ADRA2A: variants seen among roughly 807,000 people sequenced by gnomAD.
ADRA2A encodes alpha-2A adrenergic receptor.
In ADRA2A, 6 loss-of-function variants were observed where a neutral mutation model predicts 5.9. The observed-to-expected ratio is 1.01, with a 90% CI of 0.55 to 2.00. The LOEUF is 2.00. Ranked by LOEUF, ADRA2A falls within the 30% of genes most tolerant of loss-of-function variation. The pLI is 0.00. For missense variants in ADRA2A, 647 were observed against 690.0 expected (o/e 0.94, Z 0.70); for synonymous variants, 345 against 325.9 (o/e 1.06, Z -0.63).
At position 111,078,074 on chromosome 10, in the gene ADRA2A, G is replaced by A; in HGVS notation, c.78G>A (p.Ala26=). 6.5e-7 allele frequency: 1 copy of A among 1,548,798 alleles called. No homozygotes were observed. The highest frequency in any genetic ancestry group is 8.7e-7 in the Non-Finnish European group (1 of 1,154,190). ...CCCTGCAGCCGGACGCGGGCAACGC[G>A]AGCTGGAACGGGACCGAGGCGCCGG... ...MGSLQPDAGN[A]SWNGTEAPGG... The change falls in exon 1 of 1, where the codon GCG becomes GCA. Residue 26 remains alanine, a synonymous_variant. Coordinates refer to ENST00000280155, the MANE Select transcript of ADRA2A (RefSeq NM_000681.4).
chr10:111,078,171 A>C lies in ADRA2A; in HGVS notation c.175A>C (p.Met59Leu). ...GCTGGTGTGCCTGGCCGGCCTGCTC[A>C]TGCTGCTCACCGTGTTCGGCAACGT... ...LTLVCLAGLL[M>L]LLTVFGNVLV... The change falls in exon 1 of 1, where the codon ATG becomes CTG. Residue 59 changes from methionine to leucine, a missense_variant. By Grantham distance (15) the Met-to-Leu change is conservative. Transcript: ENST00000280155. The C allele has an allele frequency of 1.2e-6, 2 of 1,611,480 alleles. No individual in the cohort carries two copies. Among genetic ancestry groups the C allele is most frequent in the East Asian group, 4.5e-5 (2 of 44,822 alleles).
In ADRA2A at chr10:111,080,558, G is replaced by A. The variant is rs373716005; in HGVS notation, c.*1164G>A. On this transcript the variant is annotated 3_prime_UTR_variant, in exon 1 of 1. Coordinates refer to ENST00000280155, the MANE Select transcript of ADRA2A (RefSeq NM_000681.4). ...CCCAAGAGCTGTTAGGTATCAAAAT[G>A]TTGTCCTTTCCCCCCTCCGTGCTTT... 9.6e-5 allele frequency: 16 copies of A among 167,164 alleles called. No homozygotes were observed. In the East Asian group the frequency reaches 1.5e-3, roughly 16 times the overall value. The allele number at this position is 167,164 out of a possible 1,614,324, so 10.4% of individuals were successfully genotyped here.
In ADRA2A at chr10:111,079,052, G is replaced by T. The variant is rs1022355353; in HGVS notation, c.1056G>T (p.Pro352=). Residue 352 remains proline, a synonymous_variant, in exon 1 of 1, where the codon CCG becomes CCT. Coordinates refer to ENST00000280155, the MANE Select transcript of ADRA2A (RefSeq NM_000681.4). ...KPGDSLPRRG[P]GATGIGTPAA... The stretch of plus-strand genomic sequence containing the variant: ...GCGACAGCCTGCCGCGGCGCGGGCC[G>T]GGGGCGACGGGGATCGGGACGCCGG... 1 of 1,305,092 alleles carries T rather than the reference G, an allele frequency of 7.7e-7. No individual in the cohort carries two copies. The highest frequency in any genetic ancestry group is 9.7e-7 in the Non-Finnish European group (1 of 1,032,410). 80.8% of individuals were successfully genotyped at this position (1,305,092 alleles called of 1,614,324 possible).
chr10:111,078,906 G>A lies in ADRA2A; in HGVS notation c.910G>A (p.Asp304Asn), dbSNP rs1410379168. 8.2e-7 allele frequency: 1 copy of A among 1,218,622 alleles called. No homozygotes were observed. The highest frequency in any genetic ancestry group is 1.0e-6 in the Non-Finnish European group (1 of 979,830). 75.5% of individuals were successfully genotyped at this position (1,218,622 alleles called of 1,614,324 possible). A position where few individuals can be genotyped will look rare whatever the true frequency, so the allele number is the denominator to read the frequency against. ...CGCGCCGGCCGGGCCGCGCGACACC[G>A]ACGCGCTGGACCTGGAGGAGAGCTC... ...EPAPAGPRDT[D>N]ALDLEESSSS... Residue 304 changes from aspartate to asparagine, a missense_variant, in exon 1 of 1, where the codon GAC (aspartate) becomes AAC (asparagine). Transcript: ENST00000280155.
In ADRA2A at chr10:111,078,576, G is replaced by C. The variant is rs1843561070; in HGVS notation, c.580G>C (p.Gly194Arg). ...CTCCATCGAGAAGAAGGGCGGCGGCGGCGGCCCGCAGCCGGCCGAGCCGCG... is the reference window on the plus strand; with the variant it reads ...CTCCATCGAGAAGAAGGGCGGCGGCCGCGGCCCGCAGCCGGCCGAGCCGCG... ...LISIEKKGGG[G>R]GPQPAEPRCE... Residue 194 changes from glycine to arginine, a missense_variant, in exon 1 of 1, where the codon GGC (glycine) becomes CGC (arginine). This residue lies in a region of ADRA2A where 577 missense variants were observed against 605.4 expected (regional missense o/e 0.95). Coordinates refer to ENST00000280155, the MANE Select transcript of ADRA2A (RefSeq NM_000681.4). 1.2e-6 allele frequency: 2 copies of C among 1,600,094 alleles called. No homozygotes were observed. Among genetic ancestry groups the C allele is most frequent in the South Asian group, 2.2e-5 (2 of 90,072 alleles).
Position 111,077,084 on chromosome 10 carries a change from C to G in ADRA2A, c.-913C>G, listed in dbSNP as rs535676242. The G allele has an allele frequency of 1.3e-5, 2 of 153,298 alleles. No homozygotes were observed. The highest frequency in any genetic ancestry group is 2.1e-4 in the South Asian group (1 of 4,848). 9.5% of individuals were successfully genotyped at this position (153,298 alleles called of 1,614,324 possible). On this transcript the variant is annotated 5_prime_UTR_variant, in exon 1 of 1. Coordinates refer to ENST00000280155, the MANE Select transcript of ADRA2A (RefSeq NM_000681.4). Reference sequence around the variant, plus strand: ...GCCCAGCAGCCGGCGTGCCGCCGCCCGGCCACTCCAGCGCCTTCTTCCCCG... The same window carrying G: ...GCCCAGCAGCCGGCGTGCCGCCGCCGGGCCACTCCAGCGCCTTCTTCCCCG...
Position 111,079,795 on chromosome 10 carries a change from C to G in ADRA2A, c.*401C>G. On this transcript the variant is annotated 3_prime_UTR_variant, in exon 1 of 1. Transcript: ENST00000280155. The stretch of plus-strand genomic sequence containing the variant: ...TACCTAGCCCTGGCTAATTCCCCTT[C>G]CATTCCCAACTCTCTCTCTCTTTTT... 1 of 210,816 alleles carries G rather than the reference C, an allele frequency of 4.7e-6. No individual in the cohort carries two copies. The highest frequency in any genetic ancestry group is 2.0e-3 in the Middle Eastern group (1 of 492). 13.1% of individuals were successfully genotyped at this position (210,816 alleles called of 1,614,324 possible). A position where few individuals can be genotyped will look rare whatever the true frequency, so the allele number is the denominator to read the frequency against.
In ADRA2A at chr10:111,078,951, C is replaced by A. The variant is rs1458272935; in HGVS notation, c.955C>A (p.Arg319=). The A allele has an allele frequency of 3.2e-6, 4 of 1,237,722 alleles. No homozygotes were observed. Among genetic ancestry groups the A allele is most frequent in the Non-Finnish European group, 3.0e-6 (3 of 991,022 alleles). The allele number at this position is 1,237,722 out of a possible 1,614,324, so 76.7% of individuals were successfully genotyped here. A position where few individuals can be genotyped will look rare whatever the true frequency, so the allele number is the denominator to read the frequency against. ...EESSSSDHAE[R]PPGPRRPERG... is the part of the protein sequence containing the mutation. ...GAGCTCGTCTTCCGACCACGCCGAG[C>A]GGCCTCCAGGGCCCCGCAGACCCGA... Residue 319 remains arginine, a synonymous_variant, in exon 1 of 1, where the codon CGG becomes AGG. Coordinates refer to ENST00000280155, the MANE Select transcript of ADRA2A (RefSeq NM_000681.4).
In ADRA2A at chr10:111,079,148, G is replaced by A; in HGVS notation, c.1152G>A (p.Glu384=). Residue 384 remains glutamate (E), a synonymous_variant, in exon 1 of 1, where the codon GAG becomes GAA. Coordinates refer to ENST00000280155, the MANE Select transcript of ADRA2A (RefSeq NM_000681.4). ...ASRWRGRQNR[E]KRFTFVLAVV... The stretch of plus-strand genomic sequence containing the variant: ...GCTGGCGCGGGCGGCAGAACCGCGA[G>A]AAGCGCTTCACGTTCGTGCTGGCCG... The A allele has an allele frequency of 6.2e-7, 1 of 1,608,930 alleles. No homozygotes were observed. Among genetic ancestry groups the A allele is most frequent in the South Asian group, 1.1e-5 (1 of 90,980 alleles).
rs975384228 is a variant in ADRA2A, at chr10:111,080,646, G to T, written c.*1252G>T. ...CAGGGGAGGAGGGCAGAGACTTTGT[G>T]TTTACATCTGCATTTCTACATGTTT... On this transcript the variant is annotated 3_prime_UTR_variant, in exon 1 of 1. Transcript: ENST00000280155. 1 of 166,982 alleles carries T rather than the reference G, an allele frequency of 6.0e-6. No individual in the cohort carries two copies. Among genetic ancestry groups the T allele is most frequent in the African/African-American group, 2.4e-5 (1 of 41,404 alleles). The allele number at this position is 166,982 out of a possible 1,614,324, so 10.3% of individuals were successfully genotyped here.
chr10:111,077,987 G>T lies in ADRA2A; in HGVS notation c.-10G>T. On this transcript the variant is annotated 5_prime_UTR_variant, in exon 1 of 1. Transcript: ENST00000280155. ...TGGCAGCAGGCCCAGGCCAGCGGGC[G>T]CCCGCGTTCATGTTCCGCCAGGAGC... 7.2e-7 allele frequency: 1 copy of T among 1,387,428 alleles called. No homozygotes were observed. Among genetic ancestry groups the T allele is most frequent in the Non-Finnish European group, 9.3e-7 (1 of 1,078,324 alleles). 85.9% of individuals were successfully genotyped at this position (1,387,428 alleles called of 1,614,324 possible). A position where few individuals can be genotyped will look rare whatever the true frequency, so the allele number is the denominator to read the frequency against.
Position 111,078,272 on chromosome 10 carries a change from G to A in ADRA2A, c.276G>A (p.Ser92=), listed in dbSNP as rs780932512. The A allele has an allele frequency of 1.9e-6, 3 of 1,613,640 alleles. No individual in the cohort carries two copies. The East Asian group carries it at 6.7e-5, about 36-fold the overall frequency. The change falls in exon 1 of 1, where the codon TCG becomes TCA. Residue 92 remains serine, a synonymous_variant. Transcript: ENST00000280155. ...PQNLFLVSLA[S]ADILVATLVI... ...ACCTCTTCCTGGTGTCTCTGGCCTC[G>A]GCCGACATCCTGGTGGCCACGCTCG...
rs1843565016 is a variant in ADRA2A, at chr10:111,078,805, CCGAG to C, written c.812_815del (p.Glu271AlafsTer70). ...GAGCGCAGGCCCAACGGTCTGGGCC[CCGAG>C]CGCAGCGCGGGCCCGGGGGGCGCAG... On this transcript the variant is annotated frameshift_variant, in exon 1 of 1. Transcript: ENST00000280155. LOFTEE classifies it low-confidence loss of function (END_TRUNC). The C allele has an allele frequency of 1.6e-6, 2 of 1,257,702 alleles. No individual in the cohort carries two copies. The highest frequency in any genetic ancestry group is 3.2e-5 in the African/African-American group (2 of 63,324). 77.9% of individuals were successfully genotyped at this position (1,257,702 alleles called of 1,614,324 possible). A position where few individuals can be genotyped will look rare whatever the true frequency, so the allele number is the denominator to read the frequency against.
In ADRA2A at chr10:111,077,796, T is replaced by C; in HGVS notation, c.-201T>C. The C allele has an allele frequency of 1.4e-6, 1 of 714,272 alleles. No homozygotes were observed. Among genetic ancestry groups the C allele is most frequent in the Non-Finnish European group, 1.9e-6 (1 of 516,780 alleles). The allele number at this position is 714,272 out of a possible 1,614,324, so 44.2% of individuals were successfully genotyped here. A position where few individuals can be genotyped will look rare whatever the true frequency, so the allele number is the denominator to read the frequency against. On this transcript the variant is annotated 5_prime_UTR_variant, in exon 1 of 1. Coordinates refer to ENST00000280155, the MANE Select transcript of ADRA2A (RefSeq NM_000681.4). The stretch of plus-strand genomic sequence containing the variant: ...CAAGAAGGCGCCCACCGAGAGCGTC[T>C]GAAGCGCGAGCCAGGCGCAGTTCGC...
At position 111,078,980 on chromosome 10, in the gene ADRA2A, C is replaced by T. The variant is rs1311625336; in HGVS notation, c.984C>T (p.Arg328=). ...ERPPGPRRPE[R]GPRGKGKARA... ...CTCCAGGGCCCCGCAGACCCGAGCG[C>T]GGTCCCCGGGGCAAAGGCAAGGCCC... Residue 328 remains arginine (R), a synonymous_variant, in exon 1 of 1, where the codon CGC becomes CGT. Transcript: ENST00000280155. 8.1e-7 allele frequency: 1 copy of T among 1,235,396 alleles called. No homozygotes were observed. Among genetic ancestry groups the T allele is most frequent in the Non-Finnish European group, 1.0e-6 (1 of 991,922 alleles). 76.5% of individuals were successfully genotyped at this position (1,235,396 alleles called of 1,614,324 possible).
At position 111,079,222 on chromosome 10, in the gene ADRA2A, A is replaced by G; in HGVS notation, c.1226A>G (p.Tyr409Cys). Residue 409 changes from tyrosine (Y) to cysteine (C), a missense_variant, in exon 1 of 1, where the codon TAC (tyrosine) becomes TGC (cysteine). Tyr to Cys is a radical substitution (Grantham distance 194, BLOSUM62 -2). Around this residue, in one of 3 missense-constraint regions of ADRA2A, gnomAD observed 8 missense variants for 24.9 expected, o/e 0.32. Transcript: ENST00000280155. ...VVCWFPFFFT[Y>C]TLTAVGCSVP... ...TGCTGGTTCCCCTTCTTCTTCACCTACACGCTCACGGCCGTCGGGTGCTCC... is the reference window on the plus strand; with the variant it reads ...TGCTGGTTCCCCTTCTTCTTCACCTGCACGCTCACGGCCGTCGGGTGCTCC... The G allele has an allele frequency of 6.2e-7, 1 of 1,613,980 alleles. No homozygotes were observed. Among genetic ancestry groups the G allele is most frequent in the Middle Eastern group, 1.6e-4 (1 of 6,062 alleles).
rs1843551703 is a variant in ADRA2A, at chr10:111,078,070, AC to A, written c.75del (p.Asn25LysfsTer23). 6.5e-7 allele frequency: 1 copy of A among 1,546,260 alleles called. No individual in the cohort carries two copies. On this transcript the variant is annotated frameshift_variant, in exon 1 of 1. Coordinates refer to ENST00000280155, the MANE Select transcript of ADRA2A (RefSeq NM_000681.4). LOFTEE classifies it low-confidence loss of function (END_TRUNC). Reference sequence around the variant, plus strand: ...GGCTCCCTGCAGCCGGACGCGGGCAACGCGAGCTGGAACGGGACCGAGGCGC... The same window carrying A: ...GGCTCCCTGCAGCCGGACGCGGGCAAGCGAGCTGGAACGGGACCGAGGCGC... ...PMGSLQPDAG[N>X]ASWNGTEAPG...
At position 111,079,447 on chromosome 10, in the gene ADRA2A, A is replaced by G; in HGVS notation, c.*53A>G. On this transcript the variant is annotated 3_prime_UTR_variant, in exon 1 of 1. Coordinates refer to ENST00000280155, the MANE Select transcript of ADRA2A (RefSeq NM_000681.4). The stretch of plus-strand genomic sequence containing the variant: ...ACGCTGACTGCAGGCAGCGGGGGGC[A>G]TCGAGGGGTGCTTAGCCCCAGGGCA... 1.9e-6 allele frequency: 3 copies of G among 1,585,210 alleles called. No individual in the cohort carries two copies. Among genetic ancestry groups the G allele is most frequent in the Admixed American group, 1.7e-5 (1 of 59,480 alleles).
At position 111,078,566 on chromosome 10, in the gene ADRA2A, GGGC is replaced by G. The variant is rs763766164; in HGVS notation, c.583_585del (p.Gly195del). ...CGCCGCTCATCTCCATCGAGAAGAA[GGGC>G]GGCGGCGGCGGCCCGCAGCCGGCCG... On this transcript the variant is annotated inframe_deletion, in exon 1 of 1. Transcript: ENST00000280155. The G allele has an allele frequency of 6.9e-6, 11 of 1,604,344 alleles. No individual in the cohort carries two copies. The highest frequency in any genetic ancestry group is 2.3e-5 in the East Asian group (1 of 44,356).
Sources: allele counts gnomAD v4.1 joint callset, GRCh38; gene constraint gnomAD v4.1.1; regional missense constraint gnomAD v4.1.1; transcripts MANE v1.5; gene names NCBI Gene and HGNC (gene_info 2026-07-23, HGNC 2026-07-21).